The following COL6A3 variants were observed in gnomAD, a reference collection of about 807,000 sequenced individuals.
COL6A3 encodes the protein collagen type VI alpha 3 chain, also known as collagen alpha-3(VI) chain.
In COL6A3, 137 loss-of-function variants were observed where a neutral mutation model predicts 274.1. That is an observed-to-expected ratio of 0.50 (90% confidence interval 0.44 to 0.58). COL6A3 has a LOEUF of 0.58. Ranked by LOEUF, COL6A3 falls within the 20% of genes least tolerant of loss-of-function variation. The pLI is 0.00. For synonymous variants in COL6A3, 1,650 were observed against 1,650.6 expected (o/e 1.00, Z 0.01); for missense variants, 3,950 against 4,124.9 (o/e 0.96, Z 1.16).
At position 237,374,382 on chromosome 2, in the gene COL6A3, G is replaced by A. The variant is rs1169905278; in HGVS notation, c.3679+30C>T. Reference sequence around the variant, plus strand: ...ACAAGTAGCCCCAGACAATGACACTGAGTGAGGATGCAAAGAGTTCCCTGC... The same window carrying A: ...ACAAGTAGCCCCAGACAATGACACTAAGTGAGGATGCAAAGAGTTCCCTGC... On this transcript the variant is annotated intron_variant, in intron 8 of 43. Transcript: ENST00000295550. This position sits in a 1 kb window ranked among gnomAD's most constrained non-coding sequence, Gnocchi z 4.8. 5 of 1,607,586 alleles carry A rather than the reference G, an allele frequency of 3.1e-6. No homozygotes were observed. The highest frequency in any genetic ancestry group is 1.7e-5 in the Admixed American group (1 of 60,004).
Position 237,324,678 on chromosome 2 carries a change from G to A in COL6A3, c.*96C>T, listed in dbSNP as rs1479520835. ...GTAAATCAAAGCATGAAATGATACA[G>A]TGCAAGGGAATCTACACCCGGAGCT... is the stretch of plus-strand genomic sequence containing the variant. On this transcript the variant is annotated 3_prime_UTR_variant, in exon 44 of 44. Coordinates refer to ENST00000295550, the MANE Select transcript of COL6A3 (RefSeq NM_004369.4). 2 of 1,110,864 alleles carry A rather than the reference G, an allele frequency of 1.8e-6. No homozygotes were observed. Among genetic ancestry groups the A allele is most frequent in the Non-Finnish European group, 2.7e-6 (2 of 730,946 alleles). 68.8% of individuals were successfully genotyped at this position (1,110,864 alleles called of 1,614,324 possible).
In COL6A3 at chr2:237,340,692, T is replaced by A; in HGVS notation, c.8224A>T (p.Met2742Leu). ...TGCTCCGGCACCTCGCCCGTCAGCATCAGGACCACAATTTTCAGGTCCCGT... is the reference window on the plus strand; with the variant it reads ...TGCTCCGGCACCTCGCCCGTCAGCAACAGGACCACAATTTTCAGGTCCCGT... The part of the protein sequence containing the change: ...NPRDLKIVVL[M>L]LTGEVPEQQL... Residue 2742 changes from methionine to leucine, a missense_variant, in exon 38 of 44, where the codon ATG becomes TTG. By Grantham distance (15) the Met-to-Leu change is conservative. Transcript: ENST00000295550. 6.2e-7 allele frequency: 1 copy of A among 1,614,218 alleles called. No homozygotes were observed. Among genetic ancestry groups the A allele is most frequent in the Non-Finnish European group, 8.5e-7 (1 of 1,180,036 alleles).
intron 1 of COL6A3, among the ~76,000 whole-genome samples, chr2:237,398,790 G>A (rs145371095): frequency 6.4e-4 from 97 of 152,280 alleles, no homozygotes; most frequent in African/African-American, 2.1e-3. Context: ...GAGCTCTCTG[G>A]TCAGGGGTTC....
chr2:237,360,264 A>C, intron 16 of COL6A3, 105 bp from the exon 17 acceptor site: 1 of 1,151,230 alleles, frequency 8.7e-7, no homozygotes, highest in South Asian at 1.3e-5. Flanking sequence ...ATGCAGCAGA[A>C]AGCAGATTTC....
chr2:237,362,214 A>G (rs1016872075), intron 14 of COL6A3, among the ~76,000 whole-genome samples: 36 of 152,336 alleles, frequency 2.4e-4, no homozygotes, highest in African/African-American at 8.4e-4. Flanking sequence ...GATGGCCAAG[A>G]CTGAAGGTGG....
At chr2:237,385,020 C>A (rs1396067671) in intron 4 of COL6A3, among the ~76,000 whole-genome samples, 1 of 152,058 alleles carries the variant, frequency 6.6e-6, no homozygotes, top group Non-Finnish European at 1.5e-5. Context: ...CACTCTTCCC[C>A]CTGCTCTCCG....
chr2:237,387,795 C>A lies in COL6A3; in HGVS notation c.1099G>T (p.Val367Leu). The A allele has an allele frequency of 6.2e-7, 1 of 1,614,130 alleles. No individual in the cohort carries two copies. The highest frequency in any genetic ancestry group is 1.1e-5 in the South Asian group (1 of 91,080). ...PSSDEIRYGV[V>L]ALKQASVFSF... ...AACACGCTAGCCTGCTTCAGTGCTACCACCCCGTAGCGAATCTCGTCACTA... is the reference window on the plus strand; with the variant it reads ...AACACGCTAGCCTGCTTCAGTGCTAACACCCCGTAGCGAATCTCGTCACTA... Residue 367 changes from valine to leucine, a missense_variant, in exon 4 of 44, where the codon GTA (valine) becomes TTA (leucine). By Grantham distance (32) the Val-to-Leu change is conservative (BLOSUM62 1). Coordinates refer to ENST00000295550, the MANE Select transcript of COL6A3 (RefSeq NM_004369.4).
rs756140209 is a variant in COL6A3, at chr2:237,342,117, C to T, written c.7713G>A (p.Gly2571=). Residue 2571 remains glycine, a synonymous_variant, in exon 37 of 44, where the codon GGG becomes GGA. Coordinates refer to ENST00000295550, the MANE Select transcript of COL6A3 (RefSeq NM_004369.4). ...AVGHALVLPA[G]RDLTDFLENV... is the part of the protein sequence containing the mutation. The stretch of plus-strand genomic sequence containing the variant: ...TCTCCAGGAAGTCTGTGAGGTCTCT[C>T]CCTGCAGGCAGGACAAGCGCATGCC... 3.7e-6 allele frequency: 6 copies of T among 1,614,100 alleles called. No homozygotes were observed. Among genetic ancestry groups the T allele is most frequent in the African/African-American group, 2.7e-5 (2 of 74,930 alleles).
At position 237,387,678 on chromosome 2, in the gene COL6A3, G is replaced by A. The variant is rs112817175; in HGVS notation, c.1216C>T (p.Arg406Cys). 79 of 1,613,908 alleles carry A rather than the reference G, an allele frequency of 4.9e-5. No homozygotes were observed. Among genetic ancestry groups the A allele is most frequent in the Non-Finnish European group, 6.3e-5 (74 of 1,179,900 alleles). Residue 406 changes from arginine to cysteine, a missense_variant, in exon 4 of 44, where the codon CGT becomes TGT. Transcript: ENST00000295550. ...TTCTCCTGGAGGTCCCCAAAGCTAC[G>A]GAATTCCGGGACAGTAAACACCAAG... Reference protein sequence around the residue: ...DNLVFTVPEFRSFGDLQEKLL... With the variant: ...DNLVFTVPEFCSFGDLQEKLL...
chr2:237,368,921 C>T lies in COL6A3; in HGVS notation c.4542G>A (p.Leu1514=), dbSNP rs763502162. The T allele has an allele frequency of 6.2e-7, 1 of 1,614,200 alleles. No individual in the cohort carries two copies. The highest frequency in any genetic ancestry group is 8.5e-7 in the Non-Finnish European group (1 of 1,180,044). Residue 1514 remains leucine (L), a synonymous_variant, in exon 10 of 44, where the codon CTG becomes CTA. Coordinates refer to ENST00000295550, the MANE Select transcript of COL6A3 (RefSeq NM_004369.4). The surrounding 1 kb of genome is among the most constrained non-coding windows in gnomAD (Gnocchi z 4.4). ...RRLRLRGGSP[L]NTGKALEFVA... ...CAAATTCGAGAGCCTTGCCAGTGTTCAGTGGGGACCCCCCTCTGAGCCTCA... is the reference window on the plus strand; with the variant it reads ...CAAATTCGAGAGCCTTGCCAGTGTTTAGTGGGGACCCCCCTCTGAGCCTCA...
At chr2:237,327,844 A>AG (rs1184980879) in intron 42 of COL6A3, 2 of 152,168 alleles carry the variant, frequency 1.3e-5, no homozygotes, top group Non-Finnish European at 2.9e-5. Flanking sequence ...AGCAAAAAAA[A>AG]AAAAAAGTAT....
Position 237,388,684 on chromosome 2 carries a change from C to T in COL6A3, c.710-500G>A, listed in dbSNP as rs146855272. On this transcript the variant is annotated intron_variant, in intron 3 of 43. Coordinates refer to ENST00000295550, the MANE Select transcript of COL6A3 (RefSeq NM_004369.4). ...AATCCACAGCTACAAAACAGAGTCACGATTTGGTGATTCCTCAACCCAGTA... is the reference window on the plus strand; with the variant it reads ...AATCCACAGCTACAAAACAGAGTCATGATTTGGTGATTCCTCAACCCAGTA... Among the ~76,000 whole-genome samples the T allele has an allele frequency of 9.4e-3, 1,439 of 152,298 alleles. 29 individuals carry two copies. Among genetic ancestry groups the T allele is most frequent in the African/African-American group, 0.032 (1,337 of 41,552 alleles).
At chr2:237,342,730 T>A (rs2077015431) in intron 36 of COL6A3, 1 of 160,116 alleles carries the variant, frequency 6.2e-6, no homozygotes, top group Non-Finnish European at 1.4e-5. Context: ...TTTGATCTCG[T>A]TGAAACCATG....
Position 237,381,380 on chromosome 2 carries a change from C to T in COL6A3, c.1432G>A (p.Gly478Arg), listed in dbSNP as rs777693832. The T allele has an allele frequency of 2.0e-5, 32 of 1,613,986 alleles. No homozygotes were observed. Among genetic ancestry groups the T allele is most frequent in the Admixed American group, 8.3e-5 (5 of 60,008 alleles). The change falls in exon 5 of 44, where the codon GGA (glycine) becomes AGA (arginine). Residue 478 changes from glycine (G) to arginine (R), a missense_variant. By Grantham distance (125) the Gly-to-Arg change is moderately radical. Coordinates refer to ENST00000295550, the MANE Select transcript of COL6A3 (RefSeq NM_004369.4). The part of the protein sequence containing the change: ...IAKVIQRLEI[G>R]QDLIQVAVAQ... ...ACTGCCACCTGGATAAGATCCTGTC[C>T]GATTTCCAGCCTCTGGATGACTTTA... is the stretch of plus-strand genomic sequence containing the variant.
chr2:237,346,578 G>A lies in COL6A3; in HGVS notation c.7030-13C>T, dbSNP rs2077101299. ...GTCCCGAATTTCCCTAGAGGGAGCA[G>A]AACAAACATTGTTCAACTGTGTCAG... On this transcript the variant is annotated splice_polypyrimidine_tract_variant and intron_variant, in intron 31 of 43. Transcript: ENST00000295550. 1 of 1,611,350 alleles carries A rather than the reference G, an allele frequency of 6.2e-7. No individual in the cohort carries two copies.
intron 8 of COL6A3, among the ~76,000 whole-genome samples, chr2:237,373,671 C>A (rs548274208): frequency 1.3e-5 from 2 of 152,254 alleles, no homozygotes; most frequent in African/African-American, 2.4e-5. Context: ...TATGAGGGAG[C>A]AAGGCCGCAT....
chr2:237,324,118 A>C lies in COL6A3; in HGVS notation c.*656T>G, dbSNP rs1342555246. ...CTCCCTCCAGCACACACAAAAAAAA[A>C]ACACACAACATTAGAGGAATGCCAA... On this transcript the variant is annotated 3_prime_UTR_variant, in exon 44 of 44. Transcript: ENST00000295550. 9 of 152,606 alleles carry C rather than the reference A, an allele frequency of 5.9e-5. No homozygotes were observed. Among genetic ancestry groups the C allele is most frequent in the Non-Finnish European group, 1.2e-4 (8 of 68,028 alleles). The allele number at this position is 152,606 out of a possible 1,614,324, so 9.5% of individuals were successfully genotyped here.
chr2:237,374,789 A>G lies in COL6A3; in HGVS notation c.3302T>C (p.Leu1101Pro). ...VVNAVRQLTL[L>P]GGPTPNTGAA... Reference sequence around the variant, plus strand: ...CCCGGTGTTGGGGGTCGGCCCTCCCAGCAGGGTCAGCTGGCGGACAGCGTT... The same window carrying G: ...CCCGGTGTTGGGGGTCGGCCCTCCCGGCAGGGTCAGCTGGCGGACAGCGTT... Residue 1101 changes from leucine (L) to proline (P), a missense_variant, in exon 8 of 44, where the codon CTG becomes CCG. Around this residue, in one of 5 missense-constraint regions of COL6A3, gnomAD observed 1,934 missense variants for 1,984.3 expected, o/e 0.97. Coordinates refer to ENST00000295550, the MANE Select transcript of COL6A3 (RefSeq NM_004369.4). This position sits in a 1 kb window ranked among gnomAD's most constrained non-coding sequence, Gnocchi z 4.8. 1 of 1,614,052 alleles carries G rather than the reference A, an allele frequency of 6.2e-7. No individual in the cohort carries two copies. Among genetic ancestry groups the G allele is most frequent in the Non-Finnish European group, 8.5e-7 (1 of 1,180,008 alleles).
Position 237,344,553 on chromosome 2 carries a change from T to C in COL6A3, c.7465A>G (p.Thr2489Ala), listed in dbSNP as rs113360980. 3 of 1,614,152 alleles carry C rather than the reference T, an allele frequency of 1.9e-6. No homozygotes were observed. Among genetic ancestry groups the C allele is most frequent in the African/African-American group, 1.3e-5 (1 of 75,046 alleles). Residue 2489 changes from threonine (T) to alanine (A), a missense_variant, in exon 36 of 44, where the codon ACT (threonine) becomes GCT (alanine). Physicochemically the swap from Thr to Ala is moderately conservative, Grantham distance 58. Transcript: ENST00000295550. The surrounding 1 kb of genome is among the most constrained non-coding windows in gnomAD (Gnocchi z 4.8). ...ALTSKQQSLE[T>A]AMSFVARNTF... Reference sequence around the variant, plus strand: ...TTCCTGGCCACAAACGACATGGCAGTCTCCAGACTCTGCTGTTTGGATGTC... The same window carrying C: ...TTCCTGGCCACAAACGACATGGCAGCCTCCAGACTCTGCTGTTTGGATGTC...
Sources: gnomAD v4.1 joint callset for allele counts (sites outside exome capture counted in the v4.1 genomes callset) on GRCh38, gnomAD v4.1.1 for gene constraint, gnomAD v4.1.1 regional missense constraint, Gnocchi (gnomAD v3.1) non-coding constraint, MANE v1.5 for transcripts, NCBI Gene and HGNC (gene_info 2026-07-23, HGNC 2026-07-21) for gene names.